The following GRAMD1A variants were observed in gnomAD, a reference collection of about 807,000 sequenced individuals.
The protein encoded by GRAMD1A is protein Aster-A.
A neutral mutation model predicts 92.0 loss-of-function variants in GRAMD1A; 50 were observed. The observed-to-expected ratio is 0.54, with a 90% CI of 0.43 to 0.69. GRAMD1A has a LOEUF of 0.69. Among genes scored for constraint, GRAMD1A ranks in the 30% least tolerant of loss-of-function variants. GRAMD1A has a pLI of 0.00. For missense variants in GRAMD1A, 819 were observed against 978.9 expected, an observed-to-expected ratio of 0.84 and a Z score of 2.18; for synonymous variants, 405 against 403.6, an observed-to-expected ratio of 1.00 and a Z score of -0.04.
In GRAMD1A at chr19:35,026,033, C is replaced by T. The variant is rs549162006; in HGVS notation, c.2083-16C>T. The T allele has an allele frequency of 4.9e-6, 7 of 1,439,996 alleles. No homozygotes were observed. In the South Asian group the frequency reaches 5.7e-5, roughly 12 times the overall value. 89.2% of individuals were successfully genotyped at this position (1,439,996 alleles called of 1,614,324 possible). A position where few individuals can be genotyped will look rare whatever the true frequency, so the allele number is the denominator to read the frequency against. ...TCCAGCGTTCACCCCCGACCCTGCT[C>T]ACCTCCTCCCCGCAGATGAAGTTCT... On this transcript the variant is annotated splice_polypyrimidine_tract_variant and intron_variant, in intron 19 of 19. Coordinates refer to ENST00000317991, the MANE Select transcript of GRAMD1A (RefSeq NM_020895.5).
In GRAMD1A at chr19:35,000,579, G is replaced by A; in HGVS notation, c.8+93G>A. On this transcript the variant is annotated intron_variant, in intron 1 of 19. Transcript: ENST00000317991. The surrounding 1 kb of genome is among the most constrained non-coding windows in gnomAD (Gnocchi z 4.9). ...CGCGGGCTTGGGGAGGGGGCGGAGC[G>A]GCCGCTGCAGAGGTCGGGGGCCTCT... 2 of 1,016,280 alleles carry A rather than the reference G, an allele frequency of 2.0e-6. No individual in the cohort carries two copies. Among genetic ancestry groups the A allele is most frequent in the Non-Finnish European group, 1.3e-6 (1 of 797,740 alleles). 63.0% of individuals were successfully genotyped at this position (1,016,280 alleles called of 1,614,324 possible). A position where few individuals can be genotyped will look rare whatever the true frequency, so the allele number is the denominator to read the frequency against.
chr19:35,002,784 G>A (rs972181026), intron 1 of GRAMD1A: 2 of 152,458 alleles, frequency 1.3e-5, no homozygotes, highest in South Asian at 2.1e-4. Flanking sequence ...ACTCAGTGGG[G>A]ATGTGTTGGC....
Position 35,013,578 on chromosome 19 carries a change from G to C in GRAMD1A, c.757G>C (p.Asp253His), listed in dbSNP as rs755360846. ...KEVGDVIALS[D>H]ITSSGAADRS... ...AGTGGGAGATGTGATCGCCCTGAGC[G>C]ACATCACCTCCTCGGGGGCAGCTGA... Residue 253 changes from aspartate to histidine, a missense_variant, in exon 9 of 20, where the codon GAC (aspartate) becomes CAC (histidine). By Grantham distance (81) the Asp-to-His change is moderately conservative. Coordinates refer to ENST00000317991, the MANE Select transcript of GRAMD1A (RefSeq NM_020895.5). This position sits in a 1 kb window ranked among gnomAD's most constrained non-coding sequence, Gnocchi z 4.9. 4 of 1,612,776 alleles carry C rather than the reference G, an allele frequency of 2.5e-6. No individual in the cohort carries two copies. Among genetic ancestry groups the C allele is most frequent in the South Asian group, 1.1e-5 (1 of 90,900 alleles).
chr19:35,008,089 G>T (rs191118700), intron 1 of GRAMD1A, among the ~76,000 whole-genome samples: 237 of 152,122 alleles, frequency 1.6e-3, no homozygotes, highest in Non-Finnish European at 2.6e-3. Context: ...AGCATTTTGG[G>T]AGGCTGAGGT....
At chr19:35,004,310 G>GC (rs748880534) in intron 1 of GRAMD1A, among the ~76,000 whole-genome samples, 6 of 151,884 alleles carry the variant, frequency 4.0e-5, no homozygotes, top group Admixed American at 1.3e-4. Context: ...AAGCATCTCT[G>GC]CCCCCCTAGT....
upstream of GRAMD1A, chr19:35,000,007 G>A (rs964228318): frequency 1.1e-5 from 11 of 984,718 alleles, no homozygotes; most frequent in Non-Finnish European, 1.3e-5. The surrounding 1 kb of genome is among the most constrained non-coding windows in gnomAD (Gnocchi z 4.9). Flanking sequence ...AGGTCCAGGA[G>A]CTTCTGGCCA....
intron 12 of GRAMD1A, 23 bp from the exon 13 acceptor site, chr19:35,019,368 C>A (rs773758809): frequency 9.3e-6 from 15 of 1,613,556 alleles, no homozygotes; most frequent in Non-Finnish European, 7.6e-6. Context: ...GTGGCCCTGA[C>A]TTCTCCGGCT....
At position 35,011,495 on chromosome 19, in the gene GRAMD1A, G is replaced by C. The variant is rs754049262; in HGVS notation, c.547G>C (p.Ala183Pro). 1.9e-5 allele frequency: 31 copies of C among 1,611,046 alleles called. No homozygotes were observed. In the South Asian group the frequency reaches 3.4e-4, roughly 18 times the overall value. Residue 183 changes from alanine to proline, a missense_variant, in exon 7 of 20, where the codon GCC becomes CCC. Ala to Pro is a conservative substitution (Grantham distance 27). Transcript: ENST00000317991. The part of the protein sequence containing the change: ...SEKHFFTSFG[A>P]RDRCFLLIFR... Reference sequence around the variant, plus strand: ...ACAGCATTTCTTCACTTCCTTTGGGGCCCGTGACCGCTGCTTCCTCCTCAT... The same window carrying C: ...ACAGCATTTCTTCACTTCCTTTGGGCCCCGTGACCGCTGCTTCCTCCTCAT...
At chr19:35,005,656 TA>T (rs1434646051) in intron 1 of GRAMD1A, among the ~76,000 whole-genome samples, 1 of 152,118 alleles carries the variant, frequency 6.6e-6, no homozygotes, top group African/African-American at 2.4e-5. Context: ...TTTATTCACG[TA>T]TTTTATTCCA....
At chr19:35,020,143 G>A (rs1044962916) in intron 13 of GRAMD1A, among the ~76,000 whole-genome samples, 1 of 152,194 alleles carries the variant, frequency 6.6e-6, no homozygotes, top group Non-Finnish European at 1.5e-5. Context: ...TGTAATCCCA[G>A]CACTTTGGGA....
At position 35,019,473 on chromosome 19, in the gene GRAMD1A, A is replaced by G. The variant is rs770162176; in HGVS notation, c.1415A>G (p.Tyr472Cys). The change falls in exon 13 of 20, where the codon TAC becomes TGC. Residue 472 changes from tyrosine (Y) to cysteine (C), a missense_variant. Physicochemically the swap from Tyr to Cys is radical, Grantham distance 194 (BLOSUM62 -2). Transcript: ENST00000317991. ...VLTQGIPYQDYFYTAHRYCIL... is the reference protein window; with the variant it reads ...VLTQGIPYQDCFYTAHRYCIL... ...ACGCAGGGCATCCCCTACCAGGACT[A>G]CTTCTACACTGCCCACCGCTACTGC... 3.6e-5 allele frequency: 58 copies of G among 1,613,790 alleles called. No individual in the cohort carries two copies. In the East Asian group the frequency reaches 1.1e-3, roughly 31 times the overall value.
At chr19:35,019,677 T>A in intron 13 of GRAMD1A, 144 bp downstream of exon 13, 1 of 787,412 alleles carries the variant, frequency 1.3e-6, no homozygotes, top group Non-Finnish European at 2.1e-6. Context: ...GTCCTCCGAA[T>A]AGTGGAGGGT....
At chr19:35,012,202 G>C (rs1224305674) in intron 7 of GRAMD1A, among the ~76,000 whole-genome samples, 1 of 152,122 alleles carries the variant, frequency 6.6e-6, no homozygotes, top group Non-Finnish European at 1.5e-5. Flanking sequence ...TAGCTCCCTC[G>C]CCACCCCCTC....
intron 16 of GRAMD1A, among the ~76,000 whole-genome samples, chr19:35,022,609 G>A (rs1459999349): frequency 6.6e-6 from 1 of 152,188 alleles, no homozygotes; most frequent in African/African-American, 2.4e-5. Context: ...GACCGCGTAG[G>A]CTAAGGGCTT....
At chr19:34,996,392 C>T (rs991370268), upstream of GRAMD1A, 4 of 921,464 alleles carry the variant, frequency 4.3e-6, no homozygotes, top group Non-Finnish European at 6.3e-6. Context: ...AGAGCACAAC[C>T]TTAGCCCCAC....
intron 11 of GRAMD1A, among the ~76,000 whole-genome samples, chr19:35,017,405 A>ATG (rs2015719003): frequency 6.6e-6 from 1 of 152,124 alleles, no homozygotes; most frequent in Non-Finnish European, 1.5e-5. Flanking sequence ...CCCCAACACA[A>ATG]GGCACCATCT....
chr19:35,021,634 G>C lies in GRAMD1A; in HGVS notation c.1579+29G>C. 1 of 1,613,466 alleles carries C rather than the reference G, an allele frequency of 6.2e-7. No homozygotes were observed. The highest frequency in any genetic ancestry group is 8.5e-7 in the Non-Finnish European group (1 of 1,179,384). ...GGGACAGAAGGCCGGCTGGGGCGTG[G>C]GTTGGGGGATGGCCTGGCCAGGTAT... is the stretch of plus-strand genomic sequence containing the variant. On this transcript the variant is annotated intron_variant, in intron 14 of 19. Transcript: ENST00000317991. This position sits in a 1 kb window ranked among gnomAD's most constrained non-coding sequence, Gnocchi z 5.3.
In GRAMD1A at chr19:35,010,393, C is replaced by G. The variant is rs138482777; in HGVS notation, c.525+14C>G. ...GAGAGCGAGAAGGTGACGGAGGACC[C>G]GGTGACGGGACCACGCGGTCCCCCG... On this transcript the variant is annotated intron_variant, in intron 6 of 19. Coordinates refer to ENST00000317991, the MANE Select transcript of GRAMD1A (RefSeq NM_020895.5). 6.3e-7 allele frequency: 1 copy of G among 1,581,698 alleles called. No homozygotes were observed.
upstream of GRAMD1A, chr19:34,998,158 G>C (rs1003642467): frequency 6.6e-6 from 1 of 151,818 alleles, no homozygotes; most frequent in Admixed American, 6.6e-5. Flanking sequence ...GGAAGGGAAA[G>C]GAGGGATGGG....
Sources: gnomAD v4.1 joint callset for allele counts (sites outside exome capture counted in the v4.1 genomes callset) on GRCh38, gnomAD v4.1.1 for gene constraint, Gnocchi (gnomAD v3.1) non-coding constraint, MANE v1.5 for transcripts, NCBI Gene and HGNC (gene_info 2026-07-23, HGNC 2026-07-21) for gene names.